DTL: variants seen among roughly 807,000 people sequenced by gnomAD.
DTL encodes denticleless protein homolog.
DTL carries 46 observed loss-of-function variants against 87.0 expected under a neutral mutation model. The observed-to-expected ratio is 0.53, with a 90% CI of 0.42 to 0.68. DTL has a LOEUF of 0.68. Among genes scored for constraint, DTL ranks in the 30% least tolerant of loss-of-function variants. The pLI is 0.00. For synonymous variants in DTL, 308 were observed against 311.2 expected (o/e 0.99, Z 0.11); for missense variants, 737 against 869.4 (o/e 0.85, Z 1.91).
chr1:212,060,781 A>G (rs1252616736), intron 5 of DTL, among the ~76,000 whole-genome samples: 1 of 152,022 alleles, frequency 6.6e-6, no homozygotes, highest in African/African-American at 2.4e-5. Flanking sequence ...ACTTAAATGT[A>G]AGACCTGAAA....
intron 13 of DTL, among the ~76,000 whole-genome samples, chr1:212,085,427 T>C (rs1655104025): frequency 1.3e-5 from 2 of 152,258 alleles, no homozygotes; most frequent in Admixed American, 6.5e-5. Context: ...ATGTGCTTAT[T>C]GGCCATTTAT....
chr1:212,065,638 T>C (rs1170862118), intron 7 of DTL, among the ~76,000 whole-genome samples: 2 of 152,146 alleles, frequency 1.3e-5, no homozygotes, highest in African/African-American at 4.8e-5. Context: ...AAGAAGCATA[T>C]TAAGTACTGT....
At chr1:212,080,082 T>A (rs78121290) in intron 12 of DTL, among the ~76,000 whole-genome samples, 3,994 of 152,294 alleles carry the variant, frequency 0.026, 59 homozygotes, top group African/African-American at 0.047. Flanking sequence ...TTTTCCCAGA[T>A]TGCTCCTCTA....
chr1:212,067,970 C>G (rs938305970), intron 8 of DTL, among the ~76,000 whole-genome samples: 1 of 152,092 alleles, frequency 6.6e-6, no homozygotes, highest in Non-Finnish European at 1.5e-5. Context: ...CTTCCTTTTC[C>G]GTTCTCTTAG....
intron 8 of DTL, 100 bp downstream of exon 8, chr1:212,066,985 A>G (rs1654525721): frequency 1.0e-6 from 1 of 1,004,228 alleles, no homozygotes; most frequent in Non-Finnish European, 1.5e-6. Context: ...TGTGCTTTCA[A>G]CTGTCAACAT....
intron 5 of DTL, among the ~76,000 whole-genome samples, chr1:212,055,937 C>A (rs1668160715): frequency 1.3e-5 from 2 of 152,236 alleles, no homozygotes; most frequent in Admixed American, 6.5e-5. Context: ...TGGGCCTACT[C>A]AATCTGCTGC....
chr1:212,069,736 G>T (rs922090430), intron 10 of DTL, among the ~76,000 whole-genome samples: 5 of 151,744 alleles, frequency 3.3e-5, no homozygotes, highest in African/African-American at 1.2e-4. Flanking sequence ...AGTAAAGGCA[G>T]GGTTTCACCT....
rs1654892054 is a variant in DTL, at chr1:212,078,272, T to A, written c.1125+10T>A. 6.6e-7 allele frequency: 1 copy of A among 1,526,362 alleles called. No individual in the cohort carries two copies. Among genetic ancestry groups the A allele is most frequent in the African/African-American group, 1.4e-5 (1 of 73,156 alleles). The allele number at this position is 1,526,362 out of a possible 1,614,324, so 94.6% of individuals were successfully genotyped here. ...ATCTGACTTCACAAAGGTTTGTAAA[T>A]GAATCTCTATAGTTGGTTTAAAATG... is the stretch of plus-strand genomic sequence containing the variant. On this transcript the variant is annotated intron_variant, in intron 12 of 14. Transcript: ENST00000366991.
intron 11 of DTL, among the ~76,000 whole-genome samples, chr1:212,072,486 G>T (rs545072692): frequency 6.6e-5 from 10 of 152,128 alleles, no homozygotes; most frequent in Admixed American, 2.0e-4. Flanking sequence ...AGGGTGATAA[G>T]AACCTTAACT....
intron 13 of DTL, among the ~76,000 whole-genome samples, chr1:212,092,817 CT>C (rs1009382185): frequency 1.1e-4 from 17 of 152,196 alleles, no homozygotes; most frequent in Non-Finnish European, 7.4e-5. Flanking sequence ...GGTAGATCTA[CT>C]TTTAGTTCTT....
chr1:212,047,061 C>G, intron 3 of DTL, 90 bp from the exon 4 acceptor site: 1 of 1,175,070 alleles, frequency 8.5e-7, no homozygotes, highest in Non-Finnish European at 1.3e-6. Context: ...CTTTTTACTA[C>G]TACAGCTTTC....
intron 6 of DTL, among the ~76,000 whole-genome samples, chr1:212,063,794 A>G (rs919785650): frequency 6.6e-6 from 1 of 152,222 alleles, no homozygotes; most frequent in Admixed American, 6.5e-5. Context: ...AGAACATGAA[A>G]TGATCAAATC....
At chr1:212,036,552 A>G (rs1391550322) in intron 1 of DTL, among the ~76,000 whole-genome samples, 1 of 152,236 alleles carries the variant, frequency 6.6e-6, no homozygotes, top group Non-Finnish European at 1.5e-5. Flanking sequence ...ATATTATTCC[A>G]GATGTTTTCG....
At chr1:212,047,051 CT>C (rs1667827815) in intron 3 of DTL, 99 bp from the exon 4 acceptor site, 1 of 1,045,842 alleles carries the variant, frequency 9.6e-7, no homozygotes, top group East Asian at 2.5e-5. Flanking sequence ...AACTACTGAT[CT>C]TTTTACTACT....
chr1:212,100,208 A>T (rs762999425), intron 13 of DTL, 44 bp from the exon 14 acceptor site: 15 of 1,432,186 alleles, frequency 1.0e-5, no homozygotes, highest in South Asian at 1.4e-5. Flanking sequence ...GGGACTTTGT[A>T]TGGCTTTCAC....
chr1:212,047,135 C>T lies in DTL; in HGVS notation c.278-16C>T. 1 of 1,612,602 alleles carries T rather than the reference C, an allele frequency of 6.2e-7. No individual in the cohort carries two copies. The highest frequency in any genetic ancestry group is 1.7e-4 in the Middle Eastern group (1 of 6,054). ...TACAATTTAGACATTTCACATTTACCATTTTCTTTGTTTAGAATGGATGGC... is the reference window on the plus strand; with the variant it reads ...TACAATTTAGACATTTCACATTTACTATTTTCTTTGTTTAGAATGGATGGC... On this transcript the variant is annotated splice_polypyrimidine_tract_variant and intron_variant, in intron 3 of 14. Transcript: ENST00000366991.
chr1:212,045,922 GTTT>G, intron 3 of DTL, among the ~76,000 whole-genome samples: 1 of 131,202 alleles, frequency 7.6e-6, no homozygotes, highest in South Asian at 2.6e-4. Context: ...TTTGTTTTTG[GTTT>G]TGTTGTTGTT....
At chr1:212,091,405 A>G (rs1157495690) in intron 13 of DTL, among the ~76,000 whole-genome samples, 1 of 152,228 alleles carries the variant, frequency 6.6e-6, no homozygotes, top group Non-Finnish European at 1.5e-5. Flanking sequence ...TTCTCAAAAA[A>G]TTGAAAATAG....
At chr1:212,046,250 AGGGTGCTG>A (rs2102529428) in intron 3 of DTL, among the ~76,000 whole-genome samples, 1 of 152,256 alleles carries the variant, frequency 6.6e-6, no homozygotes, top group South Asian at 2.1e-4. Context: ...CTCATGCCAA[AGGGTGCTG>A]ACTACTGATT....
Sources: gnomAD v4.1 joint callset for allele counts (sites outside exome capture counted in the v4.1 genomes callset) on GRCh38, gnomAD v4.1.1 for gene constraint, MANE v1.5 for transcripts, NCBI Gene and HGNC (gene_info 2026-07-23, HGNC 2026-07-21) for gene names.